Variants in POLN observed in about 807,000 individuals in gnomAD.
POLN encodes the protein DNA polymerase nu.
POLN carries 108 observed loss-of-function variants against 113.5 expected under a neutral mutation model. The observed-to-expected ratio is 0.95, with a 90% CI of 0.81 to 1.12. POLN has a LOEUF of 1.12. POLN is among the 50% of genes most tolerant of loss of function. The pLI, the probability that POLN is intolerant of heterozygous loss-of-function variation, is 0.00. For missense variants in POLN, 1,097 were observed against 1,077.1 expected (o/e 1.02, Z -0.26); for synonymous variants, 386 against 391.5 (o/e 0.99, Z 0.17).
chr4:2,208,343 GAATT>G lies in POLN; in HGVS notation c.354_357del (p.Leu118PhefsTer22). 1 of 1,613,262 alleles carries G rather than the reference GAATT, an allele frequency of 6.2e-7. No homozygotes were observed. The highest frequency in any genetic ancestry group is 8.5e-7 in the Non-Finnish European group (1 of 1,179,802). Reference sequence around the variant, plus strand: ...ACTGAAGCCTCTTGATTATACTGTGGAATTAAACAACTTGAAAGAGTCAATGAGC... The same window carrying G: ...ACTGAAGCCTCTTGATTATACTGTGGAAACAACTTGAAAGAGTCAATGAGC... On this transcript the variant is annotated frameshift_variant, in exon 5 of 26. Transcript: ENST00000511885. LOFTEE classifies it high-confidence loss of function.
intron 19 of POLN, among the ~76,000 whole-genome samples, chr4:2,124,562 C>T (rs376746963): frequency 1.3e-5 from 2 of 152,182 alleles, no homozygotes; most frequent in East Asian, 1.9e-4. Flanking sequence ...TATGGGCATG[C>T]GCCACTGTGC....
At chr4:2,075,242 G>T (rs979114380) in intron 24 of POLN, among the ~76,000 whole-genome samples, 15 of 152,232 alleles carry the variant, frequency 9.9e-5, no homozygotes, top group Admixed American at 9.2e-4. Flanking sequence ...GGTGGCCCAG[G>T]GTGGAGCCCA....
intron 17 of POLN, among the ~76,000 whole-genome samples, 181 bp downstream of exon 17, chr4:2,131,052 G>A (rs1035414510): frequency 6.6e-6 from 1 of 152,246 alleles, no homozygotes; most frequent in Non-Finnish European, 1.5e-5. Context: ...AAGTATGGTG[G>A]TGTGTGCCTG....
intron 16 of POLN, among the ~76,000 whole-genome samples, chr4:2,137,629 C>A (rs770507804): frequency 6.6e-6 from 1 of 151,972 alleles, no homozygotes; most frequent in Non-Finnish European, 1.5e-5. Flanking sequence ...CTCCCGTGGC[C>A]CCCCTCACCC....
chr4:2,188,662 A>G (rs1290413829), intron 7 of POLN, among the ~76,000 whole-genome samples: 1 of 152,106 alleles, frequency 6.6e-6, no homozygotes, highest in African/African-American at 2.4e-5. Context: ...ATACAAAAAG[A>G]AAACATTTGA....
intron 7 of POLN, among the ~76,000 whole-genome samples, chr4:2,183,305 A>ATG (rs1396286919): frequency 1.3e-5 from 2 of 152,232 alleles, no homozygotes; most frequent in African/African-American, 4.8e-5. Context: ...TTCTAGATAT[A>ATG]CACGCAAGCA....
intron 19 of POLN, among the ~76,000 whole-genome samples, chr4:2,100,423 C>G (rs753866214): frequency 6.6e-5 from 10 of 152,112 alleles, no homozygotes; most frequent in Non-Finnish European, 1.0e-4. Context: ...ACATACCTGA[C>G]AATAAGTTTA....
chr4:2,091,687 C>A (rs1730665660), intron 20 of POLN, among the ~76,000 whole-genome samples: 1 of 152,152 alleles, frequency 6.6e-6, no homozygotes, highest in South Asian at 2.1e-4. Context: ...CTCCATACCT[C>A]TGAAATCCTA....
At chr4:2,240,609 T>C in intron 2 of POLN, 1 of 1,613,120 alleles carries the variant, frequency 6.2e-7, no homozygotes, top group South Asian at 1.1e-5. Context: ...TTTTAGGTTC[T>C]TTAATTTCAG....
In POLN at chr4:2,241,083, A is replaced by G. The variant is rs895794883; in HGVS notation, c.-13+437T>C. 5 of 657,074 alleles carry G rather than the reference A, an allele frequency of 7.6e-6. No individual in the cohort carries two copies. The Admixed American group carries it at 1.3e-4, about 17-fold the overall frequency. 40.7% of individuals were successfully genotyped at this position (657,074 alleles called of 1,614,324 possible). A position where few individuals can be genotyped will look rare whatever the true frequency, so the allele number is the denominator to read the frequency against. On this transcript the variant is annotated intron_variant, in intron 2 of 25. Coordinates refer to ENST00000511885, the MANE Select transcript of POLN (RefSeq NM_181808.4). Reference sequence around the variant, plus strand: ...GGGAAAATATATTTTTAGAATCTATAATGATTCCTCCTAGGGGGGAAGAAA... The same window carrying G: ...GGGAAAATATATTTTTAGAATCTATGATGATTCCTCCTAGGGGGGAAGAAA...
intron 2 of POLN, chr4:2,240,969 T>G: frequency 6.5e-7 from 1 of 1,545,318 alleles, no homozygotes; most frequent in Non-Finnish European, 8.7e-7. Flanking sequence ...CCCAATTTTG[T>G]TGTATCTGAT....
chr4:2,205,578 T>C (rs1221055105), intron 5 of POLN, among the ~76,000 whole-genome samples: 1 of 151,938 alleles, frequency 6.6e-6, no homozygotes, highest in Non-Finnish European at 1.5e-5. Context: ...CACAGAACTA[T>C]AAAAAACAGT....
rs567129442 is a variant in POLN at position 2,162,206 on chromosome 4, C to T, written c.1555-2995G>A. Among the ~76,000 whole-genome samples, 32 of 152,290 alleles carry T rather than the reference C, an allele frequency of 2.1e-4. No homozygotes were observed. In the East Asian group the frequency reaches 6.0e-3, roughly 28 times the overall value. On this transcript the variant is annotated intron_variant, in intron 13 of 25. Transcript: ENST00000511885. ...TTTGGGTCCACACTACTTTTATGAG[C>T]TGTAACACTCACTGCGAAGGTCTGC...
intron 16 of POLN, among the ~76,000 whole-genome samples, chr4:2,154,626 A>T (rs1319854312): frequency 6.6e-6 from 1 of 152,222 alleles, no homozygotes. Context: ...ACTGTGACTC[A>T]GAAATTCTAT....
At chr4:2,240,545 A>G in intron 2 of POLN, 1 of 1,613,640 alleles carries the variant, frequency 6.2e-7, no homozygotes, top group Middle Eastern at 1.7e-4. Context: ...TTAACCTCAG[A>G]GATTTGTGGC....
chr4:2,179,331 CAT>C lies in POLN; in HGVS notation c.1154_1155del (p.Tyr385TrpfsTer14), dbSNP rs1335628094. ...ACCACAATATTTCTTGAGGAATTTC[CAT>C]ATGTGCTGTTCACTTTAACTGTAAT... Reference protein sequence around the residue: ...KSITVKVNSTYGNSSRNIVNQ... With the variant: ...KSITVKVNSTXGNSSRNIVNQ... On this transcript the variant is annotated frameshift_variant, in exon 8 of 26. Transcript: ENST00000511885. LOFTEE classifies it high-confidence loss of function. 1 of 1,612,654 alleles carries C rather than the reference CAT, an allele frequency of 6.2e-7. No individual in the cohort carries two copies. The highest frequency in any genetic ancestry group is 1.3e-5 in the African/African-American group (1 of 74,764).
chr4:2,132,829 G>A (rs1731759027), intron 16 of POLN, among the ~76,000 whole-genome samples: 1 of 152,198 alleles, frequency 6.6e-6, no homozygotes, highest in South Asian at 2.1e-4. Flanking sequence ...TAAAAGAAAT[G>A]CTACAGGAAA....
intron 19 of POLN, among the ~76,000 whole-genome samples, chr4:2,099,981 G>C (rs1730883590): frequency 6.6e-6 from 1 of 151,376 alleles, no homozygotes; most frequent in Non-Finnish European, 1.5e-5. Context: ...GAGGCAGGAG[G>C]ATCACTGGAG....
At chr4:2,084,635 C>T (rs964755820) in intron 21 of POLN, among the ~76,000 whole-genome samples, 2 of 152,236 alleles carry the variant, frequency 1.3e-5, no homozygotes, top group African/African-American at 2.4e-5. Context: ...GGGGCTTGGG[C>T]ATGGGCCCCA....
Sources: allele counts gnomAD v4.1 joint callset (sites outside exome capture counted in the v4.1 genomes callset), GRCh38; gene constraint gnomAD v4.1.1; transcripts MANE v1.5; gene names NCBI Gene and HGNC (gene_info 2026-07-23, HGNC 2026-07-21).